BCAS3: variants seen among roughly 807,000 people sequenced by gnomAD.
BCAS3 encodes the protein BCAS4/BCAS3 fusion.
A neutral mutation model predicts 116.1 loss-of-function variants in BCAS3; 53 were observed. The observed-to-expected ratio is 0.46, with a 90% CI of 0.37 to 0.57. The LOEUF (loss-of-function observed/expected upper bound fraction) is 0.57. BCAS3 is among the 20% of genes least tolerant of loss of function. BCAS3 has a pLI of 0.00. For synonymous variants in BCAS3, 391 were observed against 408.2 expected (o/e 0.96, Z 0.51); for missense variants, 917 against 1,165.4 (o/e 0.79, Z 3.10).
At chr17:60,736,597 A>C (rs995478353) in intron 5 of BCAS3, among the ~76,000 whole-genome samples, 1 of 152,078 alleles carries the variant, frequency 6.6e-6, no homozygotes, top group Non-Finnish European at 1.5e-5. Context: ...AATTGGTATT[A>C]TTTCTTTCTT....
chr17:61,232,349 G>A (rs982069877), intron 22 of BCAS3, among the ~76,000 whole-genome samples: 1 of 151,824 alleles, frequency 6.6e-6, no homozygotes, highest in African/African-American at 2.4e-5. Flanking sequence ...GACGTGTGTT[G>A]CATGTAATGA....
intron 22 of BCAS3, among the ~76,000 whole-genome samples, chr17:61,232,026 G>A (rs969543513): frequency 5.5e-4 from 84 of 151,468 alleles, no homozygotes; most frequent in African/African-American, 1.6e-3. Context: ...CCAATACGGT[G>A]AAACCCCGTC....
intron 14 of BCAS3, among the ~76,000 whole-genome samples, chr17:60,976,942 G>A (rs984703197): frequency 3.3e-5 from 5 of 152,082 alleles, no homozygotes; most frequent in African/African-American, 1.2e-4. Flanking sequence ...CGTTCTCAAT[G>A]AGCTGTTGGA....
rs980697774 is a variant in BCAS3 at position 61,118,207 on chromosome 17, G to A, written c.2425+33643G>A. Among the ~76,000 whole-genome samples the A allele has an allele frequency of 6.6e-6, 1 of 152,168 alleles. No homozygotes were observed. Among genetic ancestry groups the A allele is most frequent in the African/African-American group, 2.4e-5 (1 of 41,428 alleles). ...TTCTACCTCGTTTCTGCCAGGTGGA[G>A]GTAGAAGCCCAGGTTCCTTACCACA... is the stretch of plus-strand genomic sequence containing the variant. On this transcript the variant is annotated intron_variant, in intron 22 of 23. Transcript: ENST00000407086. The surrounding 1 kb of genome is among the most constrained non-coding windows in gnomAD (Gnocchi z 5.0).
chr17:61,281,014 T>C lies in BCAS3; in HGVS notation c.2426-87313T>C, dbSNP rs533581521. ...TGGTATAAAAAGAGACCTACTCTTA[T>C]CTCCCAATCCTTGCCCAGAGGAAAC... On this transcript the variant is annotated intron_variant, in intron 22 of 23. Coordinates refer to ENST00000407086, the MANE Select transcript of BCAS3 (RefSeq NM_017679.5). The surrounding 1 kb of genome is among the most constrained non-coding windows in gnomAD (Gnocchi z 4.2). Among the ~76,000 whole-genome samples, 1 of 152,328 alleles carries C rather than the reference T, an allele frequency of 6.6e-6. No individual in the cohort carries two copies. The highest frequency in any genetic ancestry group is 2.4e-5 in the African/African-American group (1 of 41,576).
At chr17:60,947,146 G>T in intron 13 of BCAS3, 73 bp from the exon 14 acceptor site, 1 of 1,420,778 alleles carries the variant, frequency 7.0e-7, no homozygotes. Context: ...TAAATATTGT[G>T]AATAGCTTTT....
intron 22 of BCAS3, among the ~76,000 whole-genome samples, chr17:61,150,870 T>A (rs1427457932): frequency 1.3e-5 from 2 of 152,264 alleles, no homozygotes; most frequent in African/African-American, 4.8e-5. Flanking sequence ...GTTTCTCACT[T>A]ACTGAACGTG....
intron 22 of BCAS3, among the ~76,000 whole-genome samples, chr17:61,269,953 G>A (rs987752508): frequency 6.6e-6 from 1 of 151,604 alleles, no homozygotes; most frequent in African/African-American, 2.4e-5. Context: ...ACAGGCACGT[G>A]CCACCACGCC....
rs184098585 is a variant in BCAS3 at position 61,131,938 on chromosome 17, A to G, written c.2425+47374A>G. ...TTGTTTATTTCTCATGGCACTGGAA[A>G]CATTTTTCTTTTCCTCTTGGGTGTT... is the stretch of plus-strand genomic sequence containing the variant. On this transcript the variant is annotated intron_variant, in intron 22 of 23. Transcript: ENST00000407086. The surrounding 1 kb of genome is among the most constrained non-coding windows in gnomAD (Gnocchi z 4.4). 1.0e-3 allele frequency among the ~76,000 whole-genome samples: 155 copies of G among 152,340 alleles called. No individual in the cohort carries two copies. The highest frequency in any genetic ancestry group is 3.6e-3 in the African/African-American group (148 of 41,584).
In BCAS3 at chr17:61,227,375, GGTGGATGTTAATCACTAATGCTGT is replaced by G. The variant is rs2082424856; in HGVS notation, c.2426-140951_2426-140928del. Among the ~76,000 whole-genome samples the G allele has an allele frequency of 6.6e-6, 1 of 152,182 alleles. No individual in the cohort carries two copies. The highest frequency in any genetic ancestry group is 2.1e-4 in the South Asian group (1 of 4,824). Reference sequence around the variant, plus strand: ...TAAGGTAATTCATTTGGCCTCTGTGGGTGGATGTTAATCACTAATGCTGTTATAACCTAAACATGTCCCTAAGAC... The same window carrying G: ...TAAGGTAATTCATTTGGCCTCTGTGGTATAACCTAAACATGTCCCTAAGAC... On this transcript the variant is annotated intron_variant, in intron 22 of 23. Coordinates refer to ENST00000407086, the MANE Select transcript of BCAS3 (RefSeq NM_017679.5). This position sits in a 1 kb window ranked among gnomAD's most constrained non-coding sequence, Gnocchi z 6.1.
At chr17:60,968,145 G>A (rs545302431) in intron 14 of BCAS3, among the ~76,000 whole-genome samples, 6 of 152,072 alleles carry the variant, frequency 3.9e-5, no homozygotes, top group African/African-American at 1.4e-4. Flanking sequence ...CTGTATCTTT[G>A]CATTGATACT....
At position 61,034,662 on chromosome 17, in the gene BCAS3, T is replaced by G. The variant is rs1328811115; in HGVS notation, c.1638-4T>G. The G allele has an allele frequency of 1.3e-6, 2 of 1,595,302 alleles. No individual in the cohort carries two copies. Among genetic ancestry groups the G allele is most frequent in the Non-Finnish European group, 1.7e-6 (2 of 1,170,214 alleles). On this transcript the variant is annotated splice_polypyrimidine_tract_variant and splice_region_variant and intron_variant, in intron 16 of 23. Coordinates refer to ENST00000407086, the MANE Select transcript of BCAS3 (RefSeq NM_017679.5). This position sits in a 1 kb window ranked among gnomAD's most constrained non-coding sequence, Gnocchi z 5.0. ...TGTTTTTTACTCTTATTTTATTTTT[T>G]AAGCAAAGTTAAACCTCCTCCACAA...
intron 11 of BCAS3, among the ~76,000 whole-genome samples, chr17:60,904,548 A>G (rs2058088153): frequency 6.6e-6 from 1 of 152,136 alleles, no homozygotes; most frequent in Non-Finnish European, 1.5e-5. Context: ...ATAACACTTT[A>G]GGGCTGGATG....
Position 61,251,537 on chromosome 17 carries a change from T to C in BCAS3, c.2426-116790T>C, listed in dbSNP as rs919540331. 1.3e-5 allele frequency among the ~76,000 whole-genome samples: 2 copies of C among 148,260 alleles called. No individual in the cohort carries two copies. Among genetic ancestry groups the C allele is most frequent in the Non-Finnish European group, 3.0e-5 (2 of 67,372 alleles). ...GTGAGCCGAGATTGCGCCATTCCAC[T>C]CCAGCCTGGGCAACAAGAGCGAAAC... is the stretch of plus-strand genomic sequence containing the variant. On this transcript the variant is annotated intron_variant, in intron 22 of 23. Coordinates refer to ENST00000407086, the MANE Select transcript of BCAS3 (RefSeq NM_017679.5). The surrounding 1 kb of genome is among the most constrained non-coding windows in gnomAD (Gnocchi z 4.7).
At chr17:61,269,150 T>C (rs536760095) in intron 22 of BCAS3, among the ~76,000 whole-genome samples, 9 of 151,676 alleles carry the variant, frequency 5.9e-5, no homozygotes, top group African/African-American at 2.2e-4. Flanking sequence ...GTTTCGCTCT[T>C]GTTGCCCAGG....
intron 19 of BCAS3, among the ~76,000 whole-genome samples, chr17:61,072,417 G>C (rs1474251497): frequency 6.6e-6 from 1 of 151,928 alleles, no homozygotes; most frequent in Non-Finnish European, 1.5e-5. Context: ...TCCCTATTTT[G>C]ATGATGGATA....
chr17:61,096,562 CA>C (rs2073987974), intron 22 of BCAS3, among the ~76,000 whole-genome samples: 1 of 152,070 alleles, frequency 6.6e-6, no homozygotes, highest in East Asian at 1.9e-4. Context: ...TGTCTCAAAA[CA>C]AAAAATGAAC....
chr17:61,353,793 T>G (rs2089756709), intron 22 of BCAS3: 1 of 152,272 alleles, frequency 6.6e-6, no homozygotes, highest in Non-Finnish European at 1.5e-5. Context: ...CGGCCAAGGC[T>G]GGCGAGGGCT....
rs1434278197 is a variant in BCAS3 at position 61,161,449 on chromosome 17, G to A, written c.2425+76885G>A. ...CAGTTGTCCCAATTTCATTACCACA[G>A]AGCATAGCGTTTTCAAATTTATTCT... On this transcript the variant is annotated intron_variant, in intron 22 of 23. Coordinates refer to ENST00000407086, the MANE Select transcript of BCAS3 (RefSeq NM_017679.5). The surrounding 1 kb of genome is among the most constrained non-coding windows in gnomAD (Gnocchi z 4.8). Among the ~76,000 whole-genome samples the A allele has an allele frequency of 6.6e-6, 1 of 152,208 alleles. No individual in the cohort carries two copies. Among genetic ancestry groups the A allele is most frequent in the African/African-American group, 2.4e-5 (1 of 41,444 alleles).
Sources: gnomAD v4.1 joint callset for allele counts (sites outside exome capture counted in the v4.1 genomes callset) on GRCh38, gnomAD v4.1.1 for gene constraint, Gnocchi (gnomAD v3.1) non-coding constraint, MANE v1.5 for transcripts, NCBI Gene and HGNC (gene_info 2026-07-23, HGNC 2026-07-21) for gene names.